RSPRY1: variants seen among roughly 807,000 people sequenced by gnomAD.
RSPRY1 encodes RING finger and SPRY domain-containing protein 1.
Under a neutral mutation model 73.1 loss-of-function variants are expected in RSPRY1, and 23 were observed. That is an observed-to-expected ratio of 0.31 (90% CI 0.23 to 0.45). The LOEUF is 0.45. RSPRY1 is among the 20% of genes least tolerant of loss of function. RSPRY1 has a pLI of 1.00. For missense variants in RSPRY1, 448 were observed against 698.7 expected (o/e 0.64, Z 4.05); for synonymous variants, 226 against 251.4 (o/e 0.90, Z 0.95).
rs149757587 is a variant in RSPRY1, at chr16:57,194,105, C to T, written c.-156+7654C>T. 3.4e-4 allele frequency among the ~76,000 whole-genome samples: 52 copies of T among 151,914 alleles called. 1 individual carries two copies. In the East Asian group the frequency reaches 8.7e-3, roughly 25 times the overall value. On this transcript the variant is annotated intron_variant, in intron 1 of 14. Transcript: ENST00000394420. Reference sequence around the variant, plus strand: ...TTGCACATTTCAGTGTATGTAAATTCGACTCCTAAAAACTTGAAGTTTATT... The same window carrying T: ...TTGCACATTTCAGTGTATGTAAATTTGACTCCTAAAAACTTGAAGTTTATT...
chr16:57,208,615 G>T (rs1234694567), intron 3 of RSPRY1, among the ~76,000 whole-genome samples: 1 of 151,704 alleles, frequency 6.6e-6, no homozygotes, highest in African/African-American at 2.4e-5. Flanking sequence ...GCCCAGCCTG[G>T]TCTTGTACTC....
At chr16:57,217,263 C>A (rs1488489369) in intron 8 of RSPRY1, among the ~76,000 whole-genome samples, 2 of 152,212 alleles carry the variant, frequency 1.3e-5, no homozygotes, top group Non-Finnish European at 2.9e-5. Flanking sequence ...CCTTTACTGG[C>A]ACCCAGTTTC....
intron 1 of RSPRY1, 110 bp from the exon 2 acceptor site, chr16:57,204,394 G>A: frequency 2.6e-6 from 1 of 384,290 alleles, no homozygotes; most frequent in Non-Finnish European, 4.7e-6. Flanking sequence ...AATAACCAAA[G>A]ATAATTCTTC....
chr16:57,187,323 G>T (rs564195557), intron 1 of RSPRY1, among the ~76,000 whole-genome samples: 1 of 152,252 alleles, frequency 6.6e-6, no homozygotes, highest in South Asian at 2.1e-4. Flanking sequence ...TTTGGGGAGG[G>T]AAACCGACTG....
At chr16:57,232,708 A>C (rs1244664393) in intron 13 of RSPRY1, among the ~76,000 whole-genome samples, 1 of 152,202 alleles carries the variant, frequency 6.6e-6, no homozygotes, top group Non-Finnish European at 1.5e-5. Flanking sequence ...AAACCTTCCC[A>C]AACTCAGATG....
intron 13 of RSPRY1, 26 bp downstream of exon 13, chr16:57,231,345 C>T (rs762660880): frequency 1.9e-6 from 3 of 1,580,390 alleles, no homozygotes; most frequent in East Asian, 4.5e-5. Flanking sequence ...AGGCTATCTC[C>T]AGACTTTCAC....
At chr16:57,188,631 C>G (rs1257896441) in intron 1 of RSPRY1, among the ~76,000 whole-genome samples, 1 of 152,102 alleles carries the variant, frequency 6.6e-6, no homozygotes, top group Non-Finnish European at 1.5e-5. Context: ...ATTCTCCTGC[C>G]TCAGCCTCCG....
chr16:57,193,286 C>A (rs1213055387), intron 1 of RSPRY1, among the ~76,000 whole-genome samples: 1 of 152,172 alleles, frequency 6.6e-6, no homozygotes, highest in East Asian at 1.9e-4. Context: ...CAATCTACCC[C>A]CTTCTTACCT....
chr16:57,221,725 T>C (rs561788251), intron 10 of RSPRY1, among the ~76,000 whole-genome samples: 1 of 152,316 alleles, frequency 6.6e-6, no homozygotes, highest in Non-Finnish European at 1.5e-5. Context: ...CTTGGCTCAT[T>C]TCTTATACAG....
chr16:57,205,115 G>C, intron 2 of RSPRY1, 107 bp downstream of exon 2: 1 of 751,498 alleles, frequency 1.3e-6, no homozygotes, highest in South Asian at 1.8e-5. Flanking sequence ...GCCAAGCCTT[G>C]TGCTCACAGG....
At chr16:57,232,168 G>A (rs189105857) in intron 13 of RSPRY1, among the ~76,000 whole-genome samples, 57 of 152,304 alleles carry the variant, frequency 3.7e-4, no homozygotes, top group Middle Eastern at 3.4e-3. Flanking sequence ...CATAGCTAAT[G>A]TCGGACTGGT....
rs1162737560 is a variant in RSPRY1 at position 57,229,690 on chromosome 16, C to CTTTTT, written c.1274-992_1274-988dup. ...TTTATCTGATAAGTGAAGATAAATG[C>CTTTTT]TTTTTTTTTTTTTTTTTTTTTTTTT... On this transcript the variant is annotated intron_variant, in intron 11 of 14. Transcript: ENST00000394420. Among the ~76,000 whole-genome samples the CTTTTT allele has an allele frequency of 8.5e-4, 36 of 42,140 alleles. 9 individuals carry two copies. The highest frequency in any genetic ancestry group is 7.8e-3 in the South Asian group (6 of 770). The allele number at this position is 42,140 out of a possible 152,430, so 27.6% of individuals were successfully genotyped here. A position where few individuals can be genotyped will look rare whatever the true frequency, so the allele number is the denominator to read the frequency against.
chr16:57,220,432 A>G (rs546647899), intron 8 of RSPRY1: 3 of 176,910 alleles, frequency 1.7e-5, no homozygotes, highest in South Asian at 2.8e-4. Context: ...TACTTTCTTG[A>G]TTTCTTCTTC....
At chr16:57,190,466 T>C (rs1269268398) in intron 1 of RSPRY1, among the ~76,000 whole-genome samples, 1 of 152,182 alleles carries the variant, frequency 6.6e-6, no homozygotes, top group African/African-American at 2.4e-5. Context: ...TCACCACAAA[T>C]GGGAAACACA....
rs371661904 is a variant in RSPRY1 at position 57,204,719 on chromosome 16, T to C, written c.61T>C (p.Leu21=). Reference sequence around the variant, plus strand: ...CAGAAGCCTTGGCCAGGGTCTGTTGTTGACTCTCGAAGAGCACATAGCCCA... The same window carrying C: ...CAGAAGCCTTGGCCAGGGTCTGTTGCTGACTCTCGAAGAGCACATAGCCCA... ...ASRSLGQGLL[L]TLEEHIAHFL... is the part of the protein sequence containing the mutation. The change falls in exon 2 of 15, where the codon TTG becomes CTG. Residue 21 remains leucine, a synonymous_variant. Coordinates refer to ENST00000394420, the MANE Select transcript of RSPRY1 (RefSeq NM_133368.3). 26 of 1,614,206 alleles carry C rather than the reference T, an allele frequency of 1.6e-5. No individual in the cohort carries two copies. Among genetic ancestry groups the C allele is most frequent in the Non-Finnish European group, 2.0e-5 (24 of 1,180,036 alleles).
intron 13 of RSPRY1, among the ~76,000 whole-genome samples, chr16:57,231,640 T>C (rs2146372907): frequency 6.6e-6 from 1 of 152,334 alleles, no homozygotes; most frequent in South Asian, 2.1e-4. Context: ...AAATTTTTTT[T>C]GTGAGATAAA....
At chr16:57,219,021 C>T (rs1374035239) in intron 8 of RSPRY1, among the ~76,000 whole-genome samples, 1 of 122,992 alleles carries the variant, frequency 8.1e-6, no homozygotes, top group Non-Finnish European at 1.7e-5. Flanking sequence ...CAGGCGTGAG[C>T]CACCGCGCCC....
chr16:57,234,281 T>A (rs2075269880), intron 13 of RSPRY1, among the ~76,000 whole-genome samples: 1 of 152,208 alleles, frequency 6.6e-6, no homozygotes, highest in South Asian at 2.1e-4. Context: ...CAATATTACC[T>A]TAGTGAGACC....
chr16:57,237,028 C>T (rs764142099), intron 14 of RSPRY1, among the ~76,000 whole-genome samples: 2 of 151,962 alleles, frequency 1.3e-5, no homozygotes, highest in South Asian at 2.1e-4. Context: ...ATTACCCGGG[C>T]GTGGTGGTGG....
Sources: allele counts gnomAD v4.1 joint callset (sites outside exome capture counted in the v4.1 genomes callset), GRCh38; gene constraint gnomAD v4.1.1; transcripts MANE v1.5; gene names NCBI Gene and HGNC (gene_info 2026-07-23, HGNC 2026-07-21).